The following HYCC2 variants were observed in gnomAD, a reference collection of about 807,000 sequenced individuals.
HYCC2 encodes the protein hyccin PI4KA lipid kinase complex subunit 2.
the HYCC2 span, among the ~76,000 whole-genome samples, chr2:201,000,192 T>C: frequency 6.6e-6 from 1 of 151,598 alleles, no homozygotes; most frequent in African/African-American, 2.4e-5. Flanking sequence ...GGGTAACATA[T>C]TGAGACCCTG....
chr2:201,005,055 G>A, the HYCC2 span, among the ~76,000 whole-genome samples: 1 of 151,552 alleles, frequency 6.6e-6, no homozygotes, highest in Non-Finnish European at 1.5e-5. Context: ...GTCCAACAGT[G>A]GGCAAAGAGA....
the HYCC2 span, among the ~76,000 whole-genome samples, chr2:201,002,380 T>C: frequency 6.6e-6 from 1 of 151,838 alleles, no homozygotes; most frequent in Non-Finnish European, 1.5e-5. Context: ...AACTATCAGA[T>C]TGGTAAAGAT....
chr2:201,021,956 A>G, the HYCC2 span: 4 of 564,000 alleles, frequency 7.1e-6, no homozygotes, highest in African/African-American at 1.9e-5. Flanking sequence ...AGCCAGTCAC[A>G]ATTTAGGAGA....
the HYCC2 span, among the ~76,000 whole-genome samples, chr2:201,071,123 G>A: frequency 2.0e-5 from 3 of 152,170 alleles, no homozygotes; most frequent in East Asian, 1.9e-4. Flanking sequence ...ATTACATAAT[G>A]TACAGCAATA....
the HYCC2 span, among the ~76,000 whole-genome samples, chr2:201,019,487 TCACGCCTGTAA>T: frequency 4.2e-4 from 64 of 152,194 alleles, 1 homozygote; most frequent in East Asian, 9.1e-3. Context: ...GTGTGGTAGC[TCACGCCTGTAA>T]TTCCGGCACT....
At chr2:200,993,147 A>G in the HYCC2 span, 1 of 599,918 alleles carries the variant, frequency 1.7e-6, no homozygotes, top group Non-Finnish European at 2.9e-6. Flanking sequence ...TTCTGGGCCT[A>G]GGCATACAGT....
At chr2:201,002,114 GA>G in the HYCC2 span, among the ~76,000 whole-genome samples, 544 of 141,540 alleles carry the variant, frequency 3.8e-3, 1 homozygote, top group African/African-American at 5.2e-3. Context: ...AAGTCACCAG[GA>G]AAAAAAAAAA....
the HYCC2 span, among the ~76,000 whole-genome samples, chr2:201,037,571 C>T: frequency 2.6e-5 from 4 of 152,042 alleles, no homozygotes; most frequent in Non-Finnish European, 4.4e-5. Context: ...AGAACAGAGC[C>T]CTCAGAAATA....
the HYCC2 span, among the ~76,000 whole-genome samples, chr2:201,055,424 C>T: frequency 7.4e-4 from 111 of 150,312 alleles, no homozygotes; most frequent in Non-Finnish European, 1.3e-3. Flanking sequence ...CTAGGCTAGG[C>T]GTAGGGGCTC....
At chr2:201,025,306 A>C in the HYCC2 span, among the ~76,000 whole-genome samples, 1 of 152,226 alleles carries the variant, frequency 6.6e-6, no homozygotes, top group Non-Finnish European at 1.5e-5. Flanking sequence ...ATATTTCTTA[A>C]GCATCAACTA....
At chr2:201,033,339 G>C in the HYCC2 span, among the ~76,000 whole-genome samples, 2,375 of 151,560 alleles carry the variant, frequency 0.016, 72 homozygotes, top group African/African-American at 0.054. Flanking sequence ...TAAGTAGCTG[G>C]TACTATAGGC....
chr2:201,059,499 ATCTC>A, the HYCC2 span, among the ~76,000 whole-genome samples: 1 of 152,108 alleles, frequency 6.6e-6, no homozygotes, highest in African/African-American at 2.4e-5. Context: ...GCAAATGTAA[ATCTC>A]TCTTCTTAAT....
the HYCC2 span, among the ~76,000 whole-genome samples, chr2:201,066,012 A>G: frequency 1.2e-3 from 178 of 152,306 alleles, no homozygotes; most frequent in Middle Eastern, 6.8e-3. Context: ...TAAATAGCAG[A>G]TACTGTAAAA....
chr2:201,067,321 A>G, the HYCC2 span: 1 of 152,590 alleles, frequency 6.6e-6, no homozygotes, highest in Non-Finnish European at 1.5e-5. Flanking sequence ...TGATTCTAAC[A>G]CTGTTTGAAG....
At chr2:200,995,019 A>C in the HYCC2 span, among the ~76,000 whole-genome samples, 1 of 151,782 alleles carries the variant, frequency 6.6e-6, no homozygotes, top group African/African-American at 2.4e-5. Flanking sequence ...AAAAAAAAAA[A>C]AGAAAGAAAA....
chr2:201,038,103 A>C, the HYCC2 span, among the ~76,000 whole-genome samples: 7 of 152,248 alleles, frequency 4.6e-5, no homozygotes, highest in Non-Finnish European at 8.8e-5. Context: ...GACACTTCTC[A>C]AAAGAAGACA....
At chr2:201,024,115 C>T in the HYCC2 span, 1 of 814,320 alleles carries the variant, frequency 1.2e-6, no homozygotes, top group Non-Finnish European at 2.0e-6. Flanking sequence ...ATGTGCCTTT[C>T]ACCAAGGAAA....
the HYCC2 span, chr2:200,977,428 A>C: frequency 1.3e-5 from 2 of 152,188 alleles, no homozygotes; most frequent in African/African-American, 4.8e-5. Context: ...TTCTTAGCAC[A>C]ATTCTGATTC....
chr2:201,007,292 A>C, the HYCC2 span, among the ~76,000 whole-genome samples: 2 of 152,216 alleles, frequency 1.3e-5, no homozygotes, highest in African/African-American at 4.8e-5. Flanking sequence ...TACCCTACTG[A>C]ACATCATAGC....
Sources: allele counts gnomAD v4.1 joint callset (sites outside exome capture counted in the v4.1 genomes callset), GRCh38; gene constraint gnomAD v4.1.1; transcripts MANE v1.5; gene names NCBI Gene and HGNC (gene_info 2026-07-23, HGNC 2026-07-21).